Variants in LDB2 observed in about 807,000 individuals in gnomAD.
LDB2 encodes LIM domain binding 2.
A neutral mutation model predicts 44.3 loss-of-function variants in LDB2; 12 were observed. That is an observed-to-expected ratio of 0.27 (90% CI 0.17 to 0.44). The LOEUF (loss-of-function observed/expected upper bound fraction) is 0.44, where lower values mean the gene tolerates loss of function less well. LDB2 is among the 20% of genes least tolerant of loss of function. The pLI is 1.00. For missense variants in LDB2, 344 were observed against 473.5 expected, an observed-to-expected ratio of 0.73 and a Z score of 2.54; for synonymous variants, 164 against 174.8, an observed-to-expected ratio of 0.94 and a Z score of 0.49.
intron 6 of LDB2, among the ~76,000 whole-genome samples, chr4:16,510,449 GATACTC>G (rs1459075587): frequency 1.3e-5 from 2 of 152,166 alleles, no homozygotes; most frequent in African/African-American, 4.8e-5. Flanking sequence ...AAGTCCAGCA[GATACTC>G]AGGCCCACTC....
At chr4:16,668,659 G>T (rs1413149182) in intron 2 of LDB2, among the ~76,000 whole-genome samples, 1 of 152,126 alleles carries the variant, frequency 6.6e-6, no homozygotes, top group Non-Finnish European at 1.5e-5. Flanking sequence ...TAATTACATT[G>T]CATGTTCTAT....
intron 5 of LDB2, among the ~76,000 whole-genome samples, chr4:16,547,370 G>T (rs1736121183): frequency 6.6e-6 from 1 of 152,186 alleles, no homozygotes; most frequent in Non-Finnish European, 1.5e-5. Context: ...CGTTTCTGTT[G>T]ATTTAAACCA....
At chr4:16,587,557 G>A (rs1717440214) in intron 4 of LDB2, among the ~76,000 whole-genome samples, 1 of 151,734 alleles carries the variant, frequency 6.6e-6, no homozygotes, top group Non-Finnish European at 1.5e-5. Context: ...AAAACCAAGG[G>A]CTTGGAGCAT....
intron 2 of LDB2, among the ~76,000 whole-genome samples, chr4:16,670,302 T>G (rs1578641692): frequency 2.0e-5 from 3 of 152,194 alleles, no homozygotes; most frequent in African/African-American, 7.2e-5. Context: ...TTGGTAGATA[T>G]AGGTACCAAA....
At chr4:16,511,814 C>T (rs930577402) in intron 6 of LDB2, 167 bp downstream of exon 6, 1 of 696,638 alleles carries the variant, frequency 1.4e-6, no homozygotes, top group Non-Finnish European at 2.3e-6. Flanking sequence ...GGATGTTTGC[C>T]TGTCACAAAT....
chr4:16,589,404 T>C (rs151137466), intron 3 of LDB2, among the ~76,000 whole-genome samples: 48 of 152,272 alleles, frequency 3.2e-4, no homozygotes, highest in African/African-American at 1.1e-3. Flanking sequence ...AGTATTTTCC[T>C]TGAATCTCAG....
chr4:16,654,970 T>C (rs1739365689), intron 2 of LDB2, among the ~76,000 whole-genome samples: 2 of 151,862 alleles, frequency 1.3e-5, no homozygotes, highest in South Asian at 4.1e-4. Context: ...CCATTGAGAA[T>C]ACAAAAGCAG....
chr4:16,716,440 C>G lies in LDB2; in HGVS notation c.235+42718G>C, dbSNP rs561515349. ...TGGAGAAGGAGGTTTGTAGAAGGCT[C>G]TGAAAGCCAGGCTCTGATGTGGGAG... On this transcript the variant is annotated intron_variant, in intron 2 of 7. Transcript: ENST00000304523. 2.1e-4 allele frequency among the ~76,000 whole-genome samples: 32 copies of G among 152,286 alleles called. No homozygotes were observed. In the Middle Eastern group the frequency reaches 0.01, roughly 49 times the overall value.
At chr4:16,831,746 T>C (rs1167104014) in intron 1 of LDB2, among the ~76,000 whole-genome samples, 1 of 152,230 alleles carries the variant, frequency 6.6e-6, no homozygotes. Context: ...AGCACATGAC[T>C]GTCCAGACAT....
chr4:16,696,421 T>C (rs991813078), intron 2 of LDB2, among the ~76,000 whole-genome samples: 1 of 152,208 alleles, frequency 6.6e-6, no homozygotes, highest in Non-Finnish European at 1.5e-5. Flanking sequence ...CAAGTTGCCA[T>C]TTACATTCAG....
At chr4:16,785,007 A>AG (rs1176778029) in intron 1 of LDB2, among the ~76,000 whole-genome samples, 2 of 56,390 alleles carry the variant, frequency 3.5e-5, no homozygotes, top group South Asian at 1.4e-3. Context: ...ATTGAAGAAC[A>AG]GTTTTTTTTT....
At chr4:16,548,739 T>G (rs1405300573) in intron 5 of LDB2, among the ~76,000 whole-genome samples, 1 of 152,230 alleles carries the variant, frequency 6.6e-6, no homozygotes, top group Non-Finnish European at 1.5e-5. Flanking sequence ...AACAATTAGC[T>G]GAAAGCCTTT....
At chr4:16,695,447 G>T (rs1751898345) in intron 2 of LDB2, among the ~76,000 whole-genome samples, 1 of 149,750 alleles carries the variant, frequency 6.7e-6, no homozygotes, top group Non-Finnish European at 1.5e-5. Context: ...GCAAGACAGA[G>T]CAAGACTCTG....
At chr4:16,606,966 A>G (rs904404726) in intron 2 of LDB2, among the ~76,000 whole-genome samples, 1 of 152,220 alleles carries the variant, frequency 6.6e-6, no homozygotes, top group Non-Finnish European at 1.5e-5. Flanking sequence ...AGGAATCATC[A>G]ACCGTTAGCA....
intron 1 of LDB2, among the ~76,000 whole-genome samples, chr4:16,850,166 G>A (rs149240219): frequency 3.3e-5 from 5 of 152,176 alleles, no homozygotes; most frequent in African/African-American, 1.2e-4. Flanking sequence ...AGTCGGCGGC[G>A]CTTTCTGTGA....
At chr4:16,699,819 A>C (rs1753034512) in intron 2 of LDB2, among the ~76,000 whole-genome samples, 1 of 152,206 alleles carries the variant, frequency 6.6e-6, no homozygotes. Flanking sequence ...TGTGCCTCAG[A>C]GGGACGAGAA....
At chr4:16,528,758 C>G (rs1212550236) in intron 5 of LDB2, among the ~76,000 whole-genome samples, 1 of 152,202 alleles carries the variant, frequency 6.6e-6, no homozygotes. Context: ...GAGAAGAAAT[C>G]TGGTTTGTGA....
chr4:16,589,919 T>G (rs1223379019), intron 3 of LDB2, among the ~76,000 whole-genome samples: 3 of 152,184 alleles, frequency 2.0e-5, no homozygotes, highest in African/African-American at 7.2e-5. Flanking sequence ...CACTGTAAAA[T>G]GGAAATAGAA....
At chr4:16,584,303 T>G in intron 5 of LDB2, among the ~76,000 whole-genome samples, 1 of 152,212 alleles carries the variant, frequency 6.6e-6, no homozygotes, top group East Asian at 1.9e-4. Flanking sequence ...TACTGATAGA[T>G]GCTGACTGTC....
Sources: allele counts gnomAD v4.1 joint callset (sites outside exome capture counted in the v4.1 genomes callset), GRCh38; gene constraint gnomAD v4.1.1; transcripts MANE v1.5; gene names NCBI Gene and HGNC (gene_info 2026-07-23, HGNC 2026-07-21).